Variants in TEX15 observed in about 807,000 individuals in gnomAD.
TEX15 encodes testis expressed 15, meiosis and synapsis associated, also known as testis-expressed protein 15.
In TEX15, 171 loss-of-function variants were observed where a neutral mutation model predicts 237.3. The observed-to-expected ratio is 0.72, with a 90% confidence interval of 0.64 to 0.82. The LOEUF is 0.82. Ranked by LOEUF, TEX15 falls within the 40% of genes least tolerant of loss-of-function variation. TEX15 has a pLI of 0.00. For synonymous variants in TEX15, 1,338 were observed against 1,269.8 expected (o/e 1.05, Z -1.14); for missense variants, 3,750 against 3,646.5 (o/e 1.03, Z -0.73).
At chr8:30,864,079 A>AG (rs1256015464) in intron 5 of TEX15, among the ~76,000 whole-genome samples, 1 of 152,288 alleles carries the variant, frequency 6.6e-6, no homozygotes, top group East Asian at 1.9e-4. Flanking sequence ...TAGTAAAAAA[A>AG]CAATGTATGA....
chr8:30,838,189 T>C (rs1000913505), intron 9 of TEX15, 128 bp from the exon 10 acceptor site: 15 of 823,070 alleles, frequency 1.8e-5, no homozygotes, highest in Admixed American at 1.0e-4. Flanking sequence ...CCCATTCTAT[T>C]GGCACTATAC....
rs765045721 is a variant in TEX15 at position 30,844,792 on chromosome 8, T to C, written c.5375A>G (p.Glu1792Gly). The part of the protein sequence containing the change: ...GNETNVTENY[E>G]LDVASGTEED... ...TTCAGTTCCTGATGCTACATCCAAC[T>C]CATAATTCTCAGTGACATTTGTTTC... Residue 1792 changes from glutamate (E) to glycine (G), a missense_variant, in exon 8 of 11, where the codon GAG becomes GGG. By Grantham distance (98) the Glu-to-Gly change is moderately conservative. Transcript: ENST00000643185. 2.5e-6 allele frequency: 4 copies of C among 1,613,490 alleles called. No homozygotes were observed. The highest frequency in any genetic ancestry group is 3.4e-6 in the Non-Finnish European group (4 of 1,179,582).
rs1196384856 is a variant in TEX15, at chr8:30,847,571, C to G, written c.2596G>C (p.Glu866Gln). ...KKQTDRENQN[E>Q]AKENSASCVE... ...CATGAAGCACTATTCTCTTTAGCCTCATTTTGGTTTTCTCTATCTGTTTGT... is the reference window on the plus strand; with the variant it reads ...CATGAAGCACTATTCTCTTTAGCCTGATTTTGGTTTTCTCTATCTGTTTGT... Residue 866 changes from glutamate (E) to glutamine (Q), a missense_variant, in exon 8 of 11, where the codon GAG (glutamate) becomes CAG (glutamine). Transcript: ENST00000643185. 1 of 1,612,656 alleles carries G rather than the reference C, an allele frequency of 6.2e-7. No homozygotes were observed. The highest frequency in any genetic ancestry group is 1.7e-5 in the Admixed American group (1 of 59,900).
At chr8:30,904,026 T>C (rs1470780230) in intron 1 of TEX15, among the ~76,000 whole-genome samples, 1 of 151,948 alleles carries the variant, frequency 6.6e-6, no homozygotes, top group Non-Finnish European at 1.5e-5. Context: ...TACTAATCTA[T>C]TATGGTTATG....
At chr8:30,890,303 T>C (rs984644697) in intron 2 of TEX15, among the ~76,000 whole-genome samples, 2 of 152,010 alleles carry the variant, frequency 1.3e-5, no homozygotes, top group African/African-American at 2.4e-5. Flanking sequence ...AAATAATTCT[T>C]AGGAAAAAAG....
intron 1 of TEX15, among the ~76,000 whole-genome samples, chr8:30,912,444 T>G (rs957921591): frequency 1.3e-5 from 2 of 151,780 alleles, no homozygotes; most frequent in Non-Finnish European, 2.9e-5. Flanking sequence ...AAACTGCGCC[T>G]CCAGGGAGCC....
rs1807336530 is a variant in TEX15, at chr8:30,837,541, CTG to C, written c.8741_8742del (p.Thr2914SerfsTer3). On this transcript the variant is annotated frameshift_variant, in exon 10 of 11. Coordinates refer to ENST00000643185, the MANE Select transcript of TEX15 (RefSeq NM_001350162.2). LOFTEE classifies it high-confidence loss of function. ...DVHPDLEMND[T>X]VFELQDNDIV... ...ATATCATTATCTTGAAGTTCAAAGA[CTG>C]TGTCATTCATTTCTAGATCAGGATG... is the stretch of plus-strand genomic sequence containing the variant. The C allele has an allele frequency of 1.2e-6, 2 of 1,613,794 alleles. No individual in the cohort carries two copies. The highest frequency in any genetic ancestry group is 8.5e-7 in the Non-Finnish European group (1 of 1,179,944).
intron 5 of TEX15, among the ~76,000 whole-genome samples, chr8:30,860,659 G>A (rs1231048112): frequency 6.6e-6 from 1 of 150,600 alleles, no homozygotes; most frequent in African/African-American, 2.4e-5. Context: ...CCGCCTCTTG[G>A]GCTCCACGAT....
chr8:30,851,727 A>G (rs1324930913), intron 7 of TEX15, among the ~76,000 whole-genome samples: 2 of 152,200 alleles, frequency 1.3e-5, no homozygotes, highest in Non-Finnish European at 2.9e-5. Context: ...TTCTGAGGTC[A>G]GGAGTTCGAG....
At chr8:30,901,370 T>C (rs1331531322) in intron 1 of TEX15, among the ~76,000 whole-genome samples, 1 of 152,184 alleles carries the variant, frequency 6.6e-6, no homozygotes, top group Admixed American at 6.5e-5. Context: ...AAACCACTTG[T>C]TTAGCAAGAA....
intron 4 of TEX15, among the ~76,000 whole-genome samples, chr8:30,868,240 T>C (rs1399573852): frequency 6.6e-6 from 1 of 152,130 alleles, no homozygotes; most frequent in East Asian, 1.9e-4. Context: ...CCCAATTCTA[T>C]TACTTCCATT....
chr8:30,884,113 G>A (rs1311747224), intron 3 of TEX15, among the ~76,000 whole-genome samples: 2 of 152,272 alleles, frequency 1.3e-5, no homozygotes, highest in Middle Eastern at 3.4e-3. Flanking sequence ...CCTAGCCTCA[G>A]GGCATGAGCC....
intron 2 of TEX15, among the ~76,000 whole-genome samples, chr8:30,891,760 A>C (rs1808800184): frequency 1.3e-5 from 2 of 152,112 alleles, no homozygotes; most frequent in Non-Finnish European, 2.9e-5. Context: ...TAAGCCACTG[A>C]ATCCAGCCCC....
intron 7 of TEX15, among the ~76,000 whole-genome samples, chr8:30,852,170 TCTCGGCTCA>T (rs1807802988): frequency 7.5e-6 from 1 of 133,492 alleles, no homozygotes; most frequent in Admixed American, 8.2e-5. Context: ...AGTGGCACGA[TCTCGGCTCA>T]CTACAAACTC....
intron 3 of TEX15, among the ~76,000 whole-genome samples, 176 bp from the exon 4 acceptor site, chr8:30,875,278 G>A (rs565916107): frequency 6.6e-6 from 1 of 152,090 alleles, no homozygotes; most frequent in Admixed American, 6.5e-5. Context: ...TCCTATACTT[G>A]ATATAAATGA....
chr8:30,871,428 G>C (rs1485000386), intron 4 of TEX15, among the ~76,000 whole-genome samples: 2 of 152,024 alleles, frequency 1.3e-5, no homozygotes, highest in Non-Finnish European at 2.9e-5. Flanking sequence ...AAAGCTGGTA[G>C]CAACGAGGCT....
chr8:30,870,436 A>T (rs1808267999), intron 4 of TEX15, among the ~76,000 whole-genome samples: 2 of 152,014 alleles, frequency 1.3e-5, no homozygotes, highest in South Asian at 4.1e-4. Context: ...CAATAAATAA[A>T]ACTCTGGGAA....
intron 3 of TEX15, among the ~76,000 whole-genome samples, chr8:30,883,749 A>G (rs1344560445): frequency 6.6e-6 from 1 of 152,066 alleles, no homozygotes; most frequent in African/African-American, 2.4e-5. Flanking sequence ...AGTCTATATC[A>G]CTGATGGGCA....
In TEX15 at chr8:30,842,365, G is replaced by A; in HGVS notation, c.7802C>T (p.Ala2601Val). 6.2e-7 allele frequency: 1 copy of A among 1,613,680 alleles called. No individual in the cohort carries two copies. The highest frequency in any genetic ancestry group is 8.5e-7 in the Non-Finnish European group (1 of 1,179,816). The change falls in exon 8 of 11, where the codon GCC becomes GTC. Residue 2601 changes from alanine (A) to valine (V), a missense_variant. Transcript: ENST00000643185. ...CATTTTTCCTAAATCTTTCCTAGGGGCAGACATTACATTCTTCAGCAGTGT... is the reference window on the plus strand; with the variant it reads ...CATTTTTCCTAAATCTTTCCTAGGGACAGACATTACATTCTTCAGCAGTGT... ...FSTLLKNVMS[A>V]PRKDLGKMAH...
Sources: gnomAD v4.1 joint callset for allele counts (sites outside exome capture counted in the v4.1 genomes callset) on GRCh38, gnomAD v4.1.1 for gene constraint, MANE v1.5 for transcripts, NCBI Gene and HGNC (gene_info 2026-07-23, HGNC 2026-07-21) for gene names.